Variants in ENTPD3 observed in about 807,000 individuals in gnomAD.
ENTPD3 encodes CD39 antigen-like 3.
A neutral mutation model predicts 51.2 loss-of-function variants in ENTPD3; 60 were observed. That is an observed-to-expected ratio of 1.17 (90% CI 0.95 to 1.45). ENTPD3 has a LOEUF of 1.45. Among genes scored for constraint, ENTPD3 ranks in the 40% most tolerant of loss-of-function variants. The pLI, the probability that ENTPD3 is intolerant of heterozygous loss-of-function variation, is 0.00. For missense variants in ENTPD3, 593 were observed against 641.1 expected, an observed-to-expected ratio of 0.93 and a Z score of 0.81; for synonymous variants, 221 against 238.4, an observed-to-expected ratio of 0.93 and a Z score of 0.67.
chr3:40,402,958 C>A (rs537550330), intron 4 of ENTPD3, among the ~76,000 whole-genome samples: 3 of 152,240 alleles, frequency 2.0e-5, no homozygotes, highest in South Asian at 2.1e-4. Flanking sequence ...CTTCAGTTGG[C>A]CTGTAGCCTC....
At chr3:40,400,003 G>A (rs536348711) in intron 3 of ENTPD3, among the ~76,000 whole-genome samples, 48 of 152,118 alleles carry the variant, frequency 3.2e-4, no homozygotes, top group African/African-American at 1.1e-3. Context: ...GGTGGCTCAC[G>A]CCTGTAATCC....
At chr3:40,403,229 A>G (rs905579488) in intron 4 of ENTPD3, among the ~76,000 whole-genome samples, 2 of 152,078 alleles carry the variant, frequency 1.3e-5, no homozygotes, top group Non-Finnish European at 2.9e-5. Flanking sequence ...GGCAGCCAGG[A>G]GCTTGCCTAC....
chr3:40,427,393 C>G lies in ENTPD3; in HGVS notation c.1475C>G (p.Ala492Gly). ...CCACCTGTCTTTGTGGGCACCCTCG[C>G]TTTCTTCACAGCGGCAGCCTTGCTG... ...IEPPVFVGTL[A>G]FFTAAALLCL... The change falls in exon 11 of 11, where the codon GCT becomes GGT. Residue 492 changes from alanine (A) to glycine (G), a missense_variant. Physicochemically the swap from Ala to Gly is moderately conservative, Grantham distance 60. Transcript: ENST00000301825. 2 of 1,613,974 alleles carry G rather than the reference C, an allele frequency of 1.2e-6. No homozygotes were observed. The highest frequency in any genetic ancestry group is 2.2e-5 in the South Asian group (2 of 91,072).
rs547030641 is a variant in ENTPD3 at position 40,392,742 on chromosome 3, G to C, written c.168+592G>C. ...AGGCCGAGGAAGAAGGATTGCTTGAGCCCAGGAGTTCAAGACCAACCTGGG... is the reference window on the plus strand; with the variant it reads ...AGGCCGAGGAAGAAGGATTGCTTGACCCCAGGAGTTCAAGACCAACCTGGG... On this transcript the variant is annotated intron_variant, in intron 3 of 10. Coordinates refer to ENST00000301825, the MANE Select transcript of ENTPD3 (RefSeq NM_001248.4). Among the ~76,000 whole-genome samples, 6 of 152,120 alleles carry C rather than the reference G, an allele frequency of 3.9e-5. 1 individual carries two copies. In the South Asian group the frequency reaches 1.2e-3, roughly 32 times the overall value.
chr3:40,423,542 C>T, intron 9 of ENTPD3, 141 bp downstream of exon 9: 3 of 730,610 alleles, frequency 4.1e-6, no homozygotes, highest in South Asian at 1.9e-5. Flanking sequence ...AGGGAATCTA[C>T]TCCCACACCT....
At chr3:40,391,374 ATCTC>A (rs1331948133) in intron 2 of ENTPD3, 1 of 151,978 alleles carries the variant, frequency 6.6e-6, no homozygotes, top group Non-Finnish European at 1.5e-5. Flanking sequence ...GATTTTTTGA[ATCTC>A]CATTAAAACT....
chr3:40,389,269 C>A (rs1167520867), intron 2 of ENTPD3, among the ~76,000 whole-genome samples: 2 of 152,222 alleles, frequency 1.3e-5, no homozygotes, highest in Non-Finnish European at 1.5e-5. Context: ...ATAACTAACA[C>A]TGACAAATGC....
At chr3:40,425,513 G>T (rs1955964137) in intron 10 of ENTPD3, among the ~76,000 whole-genome samples, 1 of 152,086 alleles carries the variant, frequency 6.6e-6, no homozygotes, top group African/African-American at 2.4e-5. Flanking sequence ...AAATATTTTT[G>T]GTGGAAGTAA....
At chr3:40,422,325 CTTTT>C (rs5848565) in intron 7 of ENTPD3, among the ~76,000 whole-genome samples, 4 of 136,672 alleles carry the variant, frequency 2.9e-5, no homozygotes, top group Non-Finnish European at 4.7e-5. Context: ...ATACCTTACT[CTTTT>C]TTTTTTTTTT....
chr3:40,416,044 GAGA>G lies in ENTPD3; in HGVS notation c.808_810del (p.Lys270del), dbSNP rs755739112. 57 of 1,613,882 alleles carry G rather than the reference GAGA, an allele frequency of 3.5e-5. No individual in the cohort carries two copies. In the Middle Eastern group the frequency reaches 6.6e-4, roughly 19 times the overall value. On this transcript the variant is annotated inframe_deletion, in exon 7 of 11. Coordinates refer to ENST00000301825, the MANE Select transcript of ENTPD3 (RefSeq NM_001248.4). ...CCAGTGCTATGGCCGGAATGAGGCT[GAGA>G]AGAAGTTTCTGGCAATGCTCCTGCA...
chr3:40,390,690 T>G (rs1955033190), intron 2 of ENTPD3, among the ~76,000 whole-genome samples: 1 of 152,026 alleles, frequency 6.6e-6, no homozygotes, highest in Non-Finnish European at 1.5e-5. Flanking sequence ...AAGGAAATTA[T>G]ACCTAAGACA....
intron 5 of ENTPD3, 137 bp downstream of exon 5, chr3:40,412,099 G>A: frequency 1.1e-6 from 1 of 889,800 alleles, no homozygotes; most frequent in Non-Finnish European, 1.5e-6. Context: ...CCATAAATTT[G>A]GGCTTTAAAG....
intron 7 of ENTPD3, among the ~76,000 whole-genome samples, chr3:40,419,203 T>C (rs1360730254): frequency 6.6e-6 from 1 of 152,184 alleles, no homozygotes; most frequent in Non-Finnish European, 1.5e-5. Flanking sequence ...TTCTTACTCA[T>C]ATAATCTTAG....
At position 40,392,120 on chromosome 3, in the gene ENTPD3, C is replaced by T; in HGVS notation, c.138C>T (p.His46=). Residue 46 remains histidine, a synonymous_variant, in exon 3 of 11, where the codon CAC becomes CAT. Transcript: ENST00000301825. ...VLVSITVIQI[H]KQEVLPPGLK... is the part of the protein sequence containing the mutation. ...TGAGTATCACTGTCATCCAGATCCA[C>T]AAGCAAGAGGTCCTCCCTCCAGGAC... is the stretch of plus-strand genomic sequence containing the variant. The T allele has an allele frequency of 6.2e-7, 1 of 1,614,180 alleles. No homozygotes were observed.
At chr3:40,425,174 T>C (rs186556768) in intron 10 of ENTPD3, among the ~76,000 whole-genome samples, 1 of 152,248 alleles carries the variant, frequency 6.6e-6, no homozygotes, top group East Asian at 1.9e-4. Context: ...TCCCAGCGCT[T>C]TGGGAGGCCG....
At chr3:40,391,715 C>T in intron 2 of ENTPD3, 1 of 330,796 alleles carries the variant, frequency 3.0e-6, no homozygotes, top group Non-Finnish European at 5.4e-6. Flanking sequence ...AAAAGTAAAA[C>T]AAATGTTATT....
At chr3:40,427,082 G>A (rs1239884280) in intron 10 of ENTPD3, among the ~76,000 whole-genome samples, 190 bp from the exon 11 acceptor site, 1 of 152,166 alleles carries the variant, frequency 6.6e-6, no homozygotes, top group African/African-American at 2.4e-5. Flanking sequence ...TTCTTCTGCA[G>A]CGCTGGAGGT....
At chr3:40,395,539 G>A (rs1477396709) in intron 3 of ENTPD3, among the ~76,000 whole-genome samples, 2 of 152,204 alleles carry the variant, frequency 1.3e-5, no homozygotes, top group East Asian at 1.9e-4. Flanking sequence ...TATGCAGCAG[G>A]TCGGCACTGT....
At chr3:40,415,496 C>T (rs71331125) in intron 6 of ENTPD3, among the ~76,000 whole-genome samples, 1 of 152,114 alleles carries the variant, frequency 6.6e-6, no homozygotes, top group East Asian at 1.9e-4. Flanking sequence ...CTTCTGACCT[C>T]CTCACTCCTC....
Sources: allele counts gnomAD v4.1 joint callset (sites outside exome capture counted in the v4.1 genomes callset), GRCh38; gene constraint gnomAD v4.1.1; transcripts MANE v1.5; gene names NCBI Gene and HGNC (gene_info 2026-07-23, HGNC 2026-07-21).